KIF25: variants seen among roughly 807,000 people sequenced by gnomAD.
KIF25 encodes the protein kinesin-like protein KIF25.
KIF25 carries 19 observed loss-of-function variants against 32.9 expected under a neutral mutation model. The observed-to-expected ratio is 0.58, with a 90% CI of 0.40 to 0.85. The LOEUF (loss-of-function observed/expected upper bound fraction) is 0.85. Ranked by LOEUF, KIF25 falls within the 40% of genes least tolerant of loss-of-function variation. The pLI, the probability that KIF25 is intolerant of heterozygous loss-of-function variation, is 0.00. For missense variants in KIF25, 485 were observed against 507.0 expected (o/e 0.96, Z 0.42); for synonymous variants, 225 against 213.7 (o/e 1.05, Z -0.46).
At position 168,042,609 on chromosome 6, in the gene KIF25, G is replaced by A. The variant is rs1003068966; in HGVS notation, c.878G>A (p.Ser293Asn). Residue 293 changes from serine to asparagine, a missense_variant, in exon 12 of 13, where the codon AGC becomes AAC. Coordinates refer to ENST00000643607, the MANE Select transcript of KIF25 (RefSeq NM_030615.4). ...GCCCTGAGGGAGATGGCGTGCATCA[G>A]CCGCAGCCTTGCGGCCCTGGCAGGC... ...GLALREMACISRSLAALAGVL... is the reference protein window; with the variant it reads ...GLALREMACINRSLAALAGVL... 1.9e-6 allele frequency: 3 copies of A among 1,613,902 alleles called. No homozygotes were observed. The highest frequency in any genetic ancestry group is 2.5e-6 in the Non-Finnish European group (3 of 1,180,012).
intron 4 of KIF25, among the ~76,000 whole-genome samples, chr6:168,004,989 T>C (rs1798559577): frequency 6.6e-6 from 1 of 152,212 alleles, no homozygotes; most frequent in Non-Finnish European, 1.5e-5. Context: ...ACAGACTGCC[T>C]GGCTTCTCTA....
chr6:168,010,956 G>T (rs775933679), intron 4 of KIF25, among the ~76,000 whole-genome samples: 16 of 150,606 alleles, frequency 1.1e-4, no homozygotes. Context: ...TCTTTGCTTG[G>T]AATATTTTTT....
intron 6 of KIF25, 33 bp from the exon 7 acceptor site, chr6:168,030,740 C>G: frequency 6.3e-7 from 1 of 1,579,660 alleles, no homozygotes; most frequent in Non-Finnish European, 8.6e-7. Context: ...TCTGCTGCTT[C>G]TATTAATACA....
At chr6:168,008,629 A>T (rs1012204046) in intron 4 of KIF25, among the ~76,000 whole-genome samples, 4 of 152,112 alleles carry the variant, frequency 2.6e-5, no homozygotes, top group African/African-American at 4.8e-5. Flanking sequence ...GTATTTTGAT[A>T]AGGATTGCAT....
At position 168,024,423 on chromosome 6, in the gene KIF25, C is replaced by CTTTTT. The variant is rs56243912; in HGVS notation, c.-94-5043_-94-5039dup. Among the ~76,000 whole-genome samples the CTTTTT allele has an allele frequency of 2.1e-3, 128 of 61,996 alleles. 10 individuals are homozygous for CTTTTT. The highest frequency in any genetic ancestry group is 4.8e-3 in the African/African-American group (71 of 14,798). The allele number at this position is 61,996 out of a possible 152,430, so 40.7% of individuals were successfully genotyped here. On this transcript the variant is annotated intron_variant, in intron 5 of 12. Coordinates refer to ENST00000643607, the MANE Select transcript of KIF25 (RefSeq NM_030615.4). ...GAATAATCTTAGTAAAAACCTCTCTCTTTTTTTTTTTTTTTTTTTTTTTTT... is the reference window on the plus strand; with the variant it reads ...GAATAATCTTAGTAAAAACCTCTCTCTTTTTTTTTTTTTTTTTTTTTTTTTTTTTT...
At position 168,041,977 on chromosome 6, in the gene KIF25, G is replaced by A; in HGVS notation, c.655G>A (p.Ala219Thr). The change falls in exon 11 of 13, where the codon GCC becomes ACC. Residue 219 changes from alanine to threonine, a missense_variant. By Grantham distance (58) the Ala-to-Thr change is moderately conservative. Coordinates refer to ENST00000643607, the MANE Select transcript of KIF25 (RefSeq NM_030615.4). ...TCCTTGGTCCCTTGCAGCAGACCAAGCCTGCAGTGCCACCCTCCCCAGGGA... is the reference window on the plus strand; with the variant it reads ...TCCTTGGTCCCTTGCAGCAGACCAAACCTGCAGTGCCACCCTCCCCAGGGA... ...ASCSDSTADQ[A>T]CSATLPREQT... is the part of the protein sequence containing the mutation. 2 of 1,551,630 alleles carry A rather than the reference G, an allele frequency of 1.3e-6. No homozygotes were observed. The highest frequency in any genetic ancestry group is 1.7e-6 in the Non-Finnish European group (2 of 1,147,126).
chr6:168,042,607 C>A lies in KIF25; in HGVS notation c.876C>A (p.Ile292=). Residue 292 remains isoleucine (I), a synonymous_variant, in exon 12 of 13, where the codon ATC becomes ATA. Coordinates refer to ENST00000643607, the MANE Select transcript of KIF25 (RefSeq NM_030615.4). The stretch of plus-strand genomic sequence containing the variant: ...TGGCCCTGAGGGAGATGGCGTGCAT[C>A]AGCCGCAGCCTTGCGGCCCTGGCAG... ...TGLALREMAC[I]SRSLAALAGV... is the part of the protein sequence containing the mutation. 2.5e-6 allele frequency: 4 copies of A among 1,614,004 alleles called. No homozygotes were observed. Among genetic ancestry groups the A allele is most frequent in the Non-Finnish European group, 2.5e-6 (3 of 1,180,000 alleles).
intron 4 of KIF25, among the ~76,000 whole-genome samples, chr6:168,013,785 CA>C (rs1283840527): frequency 6.6e-6 from 1 of 152,112 alleles, no homozygotes; most frequent in African/African-American, 2.4e-5. Flanking sequence ...CTGCAGAAGC[CA>C]GGTGCCTCCC....
At chr6:168,039,739 G>C (rs1191293487) in intron 9 of KIF25, among the ~76,000 whole-genome samples, 3 of 152,176 alleles carry the variant, frequency 2.0e-5, no homozygotes, top group African/African-American at 7.2e-5. Flanking sequence ...AATCAGATTT[G>C]ATACACAAAA....
At chr6:168,019,963 C>T (rs1441435803) in intron 5 of KIF25, among the ~76,000 whole-genome samples, 1 of 152,172 alleles carries the variant, frequency 6.6e-6, no homozygotes, top group Non-Finnish European at 1.5e-5. Context: ...GAAACCCTGT[C>T]TCTACCAAAA....
At chr6:168,010,515 A>T (rs2636358) in intron 4 of KIF25, among the ~76,000 whole-genome samples, 1 of 151,672 alleles carries the variant, frequency 6.6e-6, no homozygotes, top group South Asian at 2.1e-4. Context: ...GATTGAAAAA[A>T]ATTGTTGAGG....
At chr6:167,999,054 A>AAAAT (rs986431457) in intron 1 of KIF25, 38 bp from the exon 2 acceptor site, 1 of 152,262 alleles carries the variant, frequency 6.6e-6, no homozygotes, top group Non-Finnish European at 1.5e-5. Context: ...TCTGGCTCAA[A>AAAAT]AAATAAATAA....
chr6:168,003,675 A>G lies in KIF25; in HGVS notation c.-191A>G, dbSNP rs1459623386. The G allele has an allele frequency of 6.6e-6, 1 of 152,228 alleles. No homozygotes were observed. Among genetic ancestry groups the G allele is most frequent in the Non-Finnish European group, 1.5e-5 (1 of 68,044 alleles). 9.4% of individuals were successfully genotyped at this position (152,228 alleles called of 1,614,324 possible). A position where few individuals can be genotyped will look rare whatever the true frequency, so the allele number is the denominator to read the frequency against. ...CCTGAGTCTACAAGTTTCCTCACAA[A>G]TTGTATTCAGAGAGCAGCTTCCTGC... On this transcript the variant is annotated 5_prime_UTR_variant, in exon 4 of 13. Transcript: ENST00000643607.
At chr6:168,038,838 G>A in intron 9 of KIF25, 109 bp downstream of exon 9, 1 of 1,101,506 alleles carries the variant, frequency 9.1e-7, no homozygotes, top group Non-Finnish European at 1.3e-6. Context: ...CCACGCCCAA[G>A]GATCCCAAGG....
intron 2 of KIF25, among the ~76,000 whole-genome samples, chr6:168,000,111 A>C (rs1313357072): frequency 2.9e-5 from 1 of 34,966 alleles, no homozygotes; most frequent in Non-Finnish European, 5.3e-5. Flanking sequence ...GACCCTCCCC[A>C]CTCCCATCCT....
At chr6:168,042,175 T>A in intron 11 of KIF25, 24 bp downstream of exon 11, 1 of 1,542,576 alleles carries the variant, frequency 6.5e-7, no homozygotes, top group Non-Finnish European at 8.8e-7. Context: ...GGCATTTCCC[T>A]GGGGGGTGGG....
chr6:168,003,832 A>G (rs1271253657), intron 4 of KIF25, 129 bp downstream of exon 4: 1 of 152,210 alleles, frequency 6.6e-6, no homozygotes, highest in African/African-American at 2.4e-5. Flanking sequence ...TTCTATTGGA[A>G]CATGAAATTA....
Position 168,041,949 on chromosome 6 carries a change from C to G in KIF25, c.647-20C>G, listed in dbSNP as rs59450518. 6.5e-7 allele frequency: 1 copy of G among 1,549,250 alleles called. No homozygotes were observed. On this transcript the variant is annotated intron_variant, in intron 10 of 12. Transcript: ENST00000643607. Reference sequence around the variant, plus strand: ...TTCATGCAACTGTTTTCCTCCTCGTCGCTCCTTGGTCCCTTGCAGCAGACC... The same window carrying G: ...TTCATGCAACTGTTTTCCTCCTCGTGGCTCCTTGGTCCCTTGCAGCAGACC...
intron 4 of KIF25, among the ~76,000 whole-genome samples, chr6:168,014,146 A>G (rs918073932): frequency 2.0e-5 from 3 of 152,280 alleles, no homozygotes; most frequent in Non-Finnish European, 2.9e-5. Context: ...TCCTGTTATA[A>G]GTGAACACAC....
Sources: allele counts gnomAD v4.1 joint callset (sites outside exome capture counted in the v4.1 genomes callset), GRCh38; gene constraint gnomAD v4.1.1; transcripts MANE v1.5; gene names NCBI Gene and HGNC (gene_info 2026-07-23, HGNC 2026-07-21).